ASH1L: variants seen among roughly 807,000 people sequenced by gnomAD.
ASH1L encodes ASH1 like histone lysine methyltransferase.
Under a neutral mutation model 269.0 loss-of-function variants are expected in ASH1L, and 23 were observed. That is an observed-to-expected ratio of 0.09 (90% confidence interval 0.06 to 0.12). The LOEUF (loss-of-function observed/expected upper bound fraction) is 0.12. ASH1L is among the 10% of genes least tolerant of loss of function. ASH1L has a pLI of 1.00. For missense variants in ASH1L, 2,912 were observed against 3,567.8 expected, an observed-to-expected ratio of 0.82 and a Z score of 4.68; for synonymous variants, 1,187 against 1,253.5, an observed-to-expected ratio of 0.95 and a Z score of 1.12.
At chr1:155,445,224 C>A (rs1296907646) in intron 4 of ASH1L, among the ~76,000 whole-genome samples, 6 of 152,084 alleles carry the variant, frequency 3.9e-5, no homozygotes, top group African/African-American at 1.2e-4. Flanking sequence ...ACTCTTGTTG[C>A]CCAGGCTGGA....
At chr1:155,529,425 G>C (rs1669507732) in intron 1 of ASH1L, among the ~76,000 whole-genome samples, 2 of 146,224 alleles carry the variant, frequency 1.4e-5, no homozygotes, top group Admixed American at 1.4e-4. Flanking sequence ...GTTTTGATTT[G>C]CATTTCTTGA....
In ASH1L at chr1:155,481,181, A is replaced by G. The variant is rs113656428; in HGVS notation, c.1689T>C (p.Ser563=). 1 of 1,614,096 alleles carries G rather than the reference A, an allele frequency of 6.2e-7. No individual in the cohort carries two copies. The highest frequency in any genetic ancestry group is 1.1e-5 in the South Asian group (1 of 91,080). The part of the protein sequence containing the change: ...SNLPSPSPTV[S]VNPLTRSPPE... The stretch of plus-strand genomic sequence containing the variant: ...GGGGACTTCTGGTTAAAGGATTAAC[A>G]GATACAGTAGGTGATGGGGAAGGGA... Residue 563 remains serine (S), a synonymous_variant, in exon 3 of 28, where the codon TCT becomes TCC. Coordinates refer to ENST00000392403, the MANE Select transcript of ASH1L (RefSeq NM_018489.3).
chr1:155,349,803 C>G (rs1447070576), intron 17 of ASH1L, among the ~76,000 whole-genome samples: 1 of 149,854 alleles, frequency 6.7e-6, no homozygotes, highest in Non-Finnish European at 1.5e-5. Flanking sequence ...CTGCAACCTC[C>G]ACCTCCTGAG....
intron 6 of ASH1L, among the ~76,000 whole-genome samples, chr1:155,407,210 G>A (rs1407257525): frequency 1.3e-5 from 2 of 151,932 alleles, no homozygotes; most frequent in Non-Finnish European, 2.9e-5. Flanking sequence ...GAGACAGAGC[G>A]AGACTCCGTC....
intron 2 of ASH1L, among the ~76,000 whole-genome samples, chr1:155,492,816 G>A (rs1386490585): frequency 6.7e-6 from 1 of 150,280 alleles, no homozygotes; most frequent in East Asian, 1.9e-4. Context: ...TAACTCACAT[G>A]CCATAAAATT....
chr1:155,394,196 A>G (rs1283854746), intron 7 of ASH1L, among the ~76,000 whole-genome samples: 2 of 152,218 alleles, frequency 1.3e-5, no homozygotes, highest in African/African-American at 2.4e-5. Context: ...AATAACAAGT[A>G]TAATGACCCT....
At chr1:155,559,508 C>G (rs551634762) in intron 1 of ASH1L, among the ~76,000 whole-genome samples, 2 of 142,762 alleles carry the variant, frequency 1.4e-5, no homozygotes, top group Non-Finnish European at 3.0e-5. Context: ...GCACTCCAGC[C>G]TGTTAACAAG....
intron 2 of ASH1L, among the ~76,000 whole-genome samples, chr1:155,514,978 T>C (rs1253911451): frequency 2.6e-5 from 4 of 152,014 alleles, no homozygotes; most frequent in African/African-American, 9.7e-5. Flanking sequence ...AGATCAGTGG[T>C]TGGACCCAGA....
rs779062949 is a variant in ASH1L at position 155,371,526 on chromosome 1, C to T, written c.6333-543G>A. On this transcript the variant is annotated intron_variant, in intron 10 of 27. Coordinates refer to ENST00000392403, the MANE Select transcript of ASH1L (RefSeq NM_018489.3). ...TCGCACCACTGCGCTCCAGCCTGGG[C>T]GACAGAGTGAGACTCCGTCTCAAAA... Among the ~76,000 whole-genome samples, 11 of 151,904 alleles carry T rather than the reference C, an allele frequency of 7.2e-5. No individual in the cohort carries two copies. The Middle Eastern group carries it at 0.01, about 141-fold the overall frequency.
At chr1:155,553,783 C>T (rs796353733) in intron 1 of ASH1L, among the ~76,000 whole-genome samples, 4 of 152,032 alleles carry the variant, frequency 2.6e-5, no homozygotes, top group African/African-American at 9.6e-5. Context: ...TGTTTGTTAA[C>T]ATGCTCCTCC....
chr1:155,358,918 C>T (rs1174811815), intron 13 of ASH1L: 2 of 151,882 alleles, frequency 1.3e-5, no homozygotes, highest in African/African-American at 4.8e-5. Context: ...GAGTCTGTGA[C>T]CAGCCCTGAC....
chr1:155,486,025 C>A (rs572304872), intron 2 of ASH1L, among the ~76,000 whole-genome samples: 41 of 151,870 alleles, frequency 2.7e-4, no homozygotes, highest in African/African-American at 9.4e-4. Flanking sequence ...AGTTACTGGT[C>A]CAAGTCTCAC....
At chr1:155,356,847 G>A (rs970403493) in intron 15 of ASH1L, among the ~76,000 whole-genome samples, 1 of 151,526 alleles carries the variant, frequency 6.6e-6, no homozygotes, top group Non-Finnish European at 1.5e-5. Context: ...CCAATGCCTT[G>A]GGAGATCGGG....
chr1:155,370,289 A>G (rs908094168), intron 12 of ASH1L: 1 of 590,902 alleles, frequency 1.7e-6, no homozygotes, highest in Non-Finnish European at 2.9e-6. Context: ...AAGCAAAACA[A>G]AAAAACAGAA....
At chr1:155,459,233 T>A (rs1664106822) in intron 4 of ASH1L, among the ~76,000 whole-genome samples, 2 of 152,084 alleles carry the variant, frequency 1.3e-5, no homozygotes, top group Non-Finnish European at 2.9e-5. Flanking sequence ...TCTCACTCTG[T>A]CACCCAGGCT....
intron 10 of ASH1L, among the ~76,000 whole-genome samples, chr1:155,371,236 CATT>C (rs1655913785): frequency 6.6e-6 from 1 of 152,130 alleles, no homozygotes; most frequent in African/African-American, 2.4e-5. Flanking sequence ...CCTGGGTAAA[CATT>C]ATCATATTTA....
intron 4 of ASH1L, among the ~76,000 whole-genome samples, chr1:155,449,021 C>G (rs1222451416): frequency 6.6e-6 from 1 of 151,978 alleles, no homozygotes; most frequent in Non-Finnish European, 1.5e-5. Flanking sequence ...GCAACCTCCA[C>G]CTCCCGAGGT....
chr1:155,555,155 A>C (rs1671499993), intron 1 of ASH1L, among the ~76,000 whole-genome samples: 1 of 151,418 alleles, frequency 6.6e-6, no homozygotes, highest in Non-Finnish European at 1.5e-5. Context: ...AAAAAAAAAA[A>C]AAAGAATTAA....
At chr1:155,524,107 T>C (rs1221161666) in intron 1 of ASH1L, among the ~76,000 whole-genome samples, 1 of 152,230 alleles carries the variant, frequency 6.6e-6, no homozygotes, top group Non-Finnish European at 1.5e-5. Context: ...CTATTCAAAC[T>C]TATCTTTACT....
Sources: gnomAD v4.1 joint callset for allele counts (sites outside exome capture counted in the v4.1 genomes callset) on GRCh38, gnomAD v4.1.1 for gene constraint, MANE v1.5 for transcripts, NCBI Gene and HGNC (gene_info 2026-07-23, HGNC 2026-07-21) for gene names.